The following CDH12 variants were observed in gnomAD, a reference collection of about 807,000 sequenced individuals.
CDH12 encodes the protein cadherin 12, also known as cadherin-12.
In CDH12, 41 loss-of-function variants were observed where a neutral mutation model predicts 74.1. The ratio of observed to expected loss-of-function variants is 0.55; its 90% CI spans 0.43 to 0.72. The LOEUF is 0.72. Among genes scored for constraint, CDH12 ranks in the 30% least tolerant of loss-of-function variants. The pLI, the probability that CDH12 is intolerant of heterozygous loss-of-function variation, is 0.00. For missense variants in CDH12, 945 were observed against 977.2 expected (o/e 0.97, Z 0.44); for synonymous variants, 399 against 355.0 (o/e 1.12, Z -1.39).
At chr5:21,953,756 T>A (rs1755972293) in intron 6 of CDH12, among the ~76,000 whole-genome samples, 1 of 152,168 alleles carries the variant, frequency 6.6e-6, no homozygotes, top group African/African-American at 2.4e-5. Context: ...TAAATAGCAT[T>A]TAAAATGTAG....
intron 4 of CDH12, among the ~76,000 whole-genome samples, chr5:22,117,639 A>C (rs1455038617): frequency 6.8e-6 from 1 of 146,608 alleles, no homozygotes; most frequent in East Asian, 2.0e-4. Context: ...TGATGAGCAG[A>C]AATGTTATTC....
intron 2 of CDH12, among the ~76,000 whole-genome samples, chr5:22,411,442 C>T (rs2126473294): frequency 6.6e-6 from 1 of 151,954 alleles, no homozygotes; most frequent in South Asian, 2.1e-4. Context: ...TTCTGACAGT[C>T]CATGAGATCT....
chr5:21,823,145 G>A (rs1386391528), intron 8 of CDH12, among the ~76,000 whole-genome samples: 1 of 151,990 alleles, frequency 6.6e-6, no homozygotes, highest in Non-Finnish European at 1.5e-5. Context: ...TAGTGGGAGA[G>A]AAGTCAATTA....
intron 1 of CDH12, among the ~76,000 whole-genome samples, chr5:22,822,362 A>T (rs1345193685): frequency 6.6e-6 from 1 of 152,278 alleles, no homozygotes; most frequent in Admixed American, 6.5e-5. Flanking sequence ...CAATGGCAAC[A>T]AAAGCCAAAA....
intron 1 of CDH12, among the ~76,000 whole-genome samples, chr5:22,516,462 T>G (rs1160677186): frequency 6.6e-6 from 1 of 152,170 alleles, no homozygotes; most frequent in African/African-American, 2.4e-5. Context: ...TTGGTAGTTA[T>G]AAAGTTCTAT....
intron 1 of CDH12, among the ~76,000 whole-genome samples, chr5:22,697,402 T>G (rs1170021822): frequency 6.6e-6 from 1 of 151,850 alleles, no homozygotes; most frequent in Non-Finnish European, 1.5e-5. Context: ...GAACCCCGTC[T>G]CTACTAAAAA....
At chr5:22,446,763 AC>A (rs1296777275) in intron 2 of CDH12, among the ~76,000 whole-genome samples, 2 of 152,138 alleles carry the variant, frequency 1.3e-5, no homozygotes, top group East Asian at 3.9e-4. Flanking sequence ...TCAAGTTATG[AC>A]CATCTACAAC....
intron 1 of CDH12, among the ~76,000 whole-genome samples, chr5:22,570,942 G>T (rs1012482028): frequency 1.3e-5 from 2 of 152,076 alleles, no homozygotes; most frequent in Non-Finnish European, 2.9e-5. Flanking sequence ...ATAGGAACTC[G>T]CTGCTTCACT....
chr5:22,424,025 AAAG>A, intron 2 of CDH12, among the ~76,000 whole-genome samples: 1 of 147,700 alleles, frequency 6.8e-6, no homozygotes, highest in African/African-American at 2.5e-5. Context: ...AAAAAAAAAA[AAAG>A]AAAAGAAAAG....
intron 1 of CDH12, among the ~76,000 whole-genome samples, chr5:22,516,105 G>A (rs746157246): frequency 5.9e-5 from 9 of 152,018 alleles, no homozygotes; most frequent in African/African-American, 1.2e-4. Flanking sequence ...GCACTATGTC[G>A]TAAAACTAAG....
intron 6 of CDH12, among the ~76,000 whole-genome samples, chr5:21,970,788 C>G (rs1470033759): frequency 2.4e-5 from 3 of 123,520 alleles, no homozygotes; most frequent in African/African-American, 6.1e-5. Flanking sequence ...TGCAGTGCGC[C>G]AAGACCATAC....
In CDH12 at chr5:22,507,473, T is replaced by C. The variant is rs186828636; in HGVS notation, c.-522-2109A>G. 1.9e-4 allele frequency among the ~76,000 whole-genome samples: 29 copies of C among 152,274 alleles called. No homozygotes were observed. The East Asian group carries it at 4.2e-3, about 22-fold the overall frequency. Reference sequence around the variant, plus strand: ...ATAAAAGTTTAGTAGAAAATACAGATAGTAACAAGGTAGACTAATAATCCA... The same window carrying C: ...ATAAAAGTTTAGTAGAAAATACAGACAGTAACAAGGTAGACTAATAATCCA... On this transcript the variant is annotated intron_variant, in intron 1 of 14. Coordinates refer to ENST00000382254, the MANE Select transcript of CDH12 (RefSeq NM_004061.5).
At chr5:22,131,021 CCTT>C (rs1191323706) in intron 4 of CDH12, among the ~76,000 whole-genome samples, 1 of 151,930 alleles carries the variant, frequency 6.6e-6, no homozygotes, top group East Asian at 1.9e-4. Flanking sequence ...GTGGTCAGCT[CCTT>C]ATTATTGCTT....
At chr5:22,600,824 C>T (rs1736823461) in intron 1 of CDH12, among the ~76,000 whole-genome samples, 1 of 151,894 alleles carries the variant, frequency 6.6e-6, no homozygotes, top group African/African-American at 2.4e-5. Context: ...AAACACACCC[C>T]AAAAAATGTG....
chr5:22,293,621 TACAC>T (rs150772328), intron 3 of CDH12, among the ~76,000 whole-genome samples: 1 of 150,762 alleles, frequency 6.6e-6, no homozygotes, highest in East Asian at 1.9e-4. Flanking sequence ...CATATACATA[TACAC>T]ACACACACAC....
chr5:22,550,159 C>A (rs1738504939), intron 1 of CDH12, among the ~76,000 whole-genome samples: 1 of 152,160 alleles, frequency 6.6e-6, no homozygotes, highest in Non-Finnish European at 1.5e-5. Context: ...TGTCTCATTT[C>A]CTGATTTCTC....
chr5:22,155,332 T>A (rs1747957547), intron 4 of CDH12, among the ~76,000 whole-genome samples: 1 of 152,070 alleles, frequency 6.6e-6, no homozygotes, highest in South Asian at 2.1e-4. Flanking sequence ...CAACTTAGAC[T>A]ATTGATTATT....
chr5:22,647,076 A>G (rs996078398), intron 1 of CDH12, among the ~76,000 whole-genome samples: 2 of 151,844 alleles, frequency 1.3e-5, no homozygotes, highest in Non-Finnish European at 1.5e-5. Flanking sequence ...AATGTGAACA[A>G]TATAAAGACC....
intron 6 of CDH12, among the ~76,000 whole-genome samples, chr5:21,935,123 T>TTTGCTGCTTCTCCTTCTCCTCCTC (rs1755021360): frequency 6.6e-6 from 1 of 152,060 alleles, no homozygotes; most frequent in Non-Finnish European, 1.5e-5. Flanking sequence ...CTCTCCTTCT[T>TTTGCTGCTTCTCCTTCTCCTCCTC]TTGCTGCTTC....
Sources: allele counts gnomAD v4.1 joint callset (sites outside exome capture counted in the v4.1 genomes callset), GRCh38; gene constraint gnomAD v4.1.1; transcripts MANE v1.5; gene names NCBI Gene and HGNC (gene_info 2026-07-23, HGNC 2026-07-21).